Variants in MACROD1 observed in about 807,000 individuals in gnomAD.
MACROD1 encodes ADP-ribose glycohydrolase MACROD1.
MACROD1 carries 31 observed loss-of-function variants against 41.4 expected under a neutral mutation model. The observed-to-expected ratio is 0.75, with a 90% CI of 0.56 to 1.01. The LOEUF (loss-of-function observed/expected upper bound fraction) is 1.01, where lower values mean the gene tolerates loss of function less well. MACROD1 is among the 50% of genes least tolerant of loss of function. MACROD1 has a pLI of 0.00. For missense variants in MACROD1, 473 were observed against 460.0 expected (o/e 1.03, Z -0.26); for synonymous variants, 252 against 203.4 (o/e 1.24, Z -2.03).
chr11:64,134,403 G>A (rs924673280), intron 3 of MACROD1, among the ~76,000 whole-genome samples: 24 of 152,348 alleles, frequency 1.6e-4, no homozygotes, highest in African/African-American at 4.8e-4. Flanking sequence ...CCAAGGAAGC[G>A]TGAGGACCCC....
At chr11:64,042,946 A>C (rs1324642296) in intron 3 of MACROD1, among the ~76,000 whole-genome samples, 1 of 152,210 alleles carries the variant, frequency 6.6e-6, no homozygotes, top group Non-Finnish European at 1.5e-5. Flanking sequence ...TGAGGCACAG[A>C]GTGGAGACAC....
chr11:64,047,145 G>A (rs1258231081), intron 3 of MACROD1, among the ~76,000 whole-genome samples: 2 of 152,032 alleles, frequency 1.3e-5, no homozygotes, highest in South Asian at 2.1e-4. Flanking sequence ...CATGAAAGGC[G>A]GTGCAGGTGG....
At chr11:64,135,652 G>A (rs536734297) in intron 3 of MACROD1, among the ~76,000 whole-genome samples, 18 of 152,304 alleles carry the variant, frequency 1.2e-4, no homozygotes, top group East Asian at 3.9e-4. Flanking sequence ...CCAGAGTAAC[G>A]GCTGCCAGGA....
intron 3 of MACROD1, among the ~76,000 whole-genome samples, chr11:64,076,455 T>TGGATGGAC (rs573119754): frequency 1.2e-3 from 186 of 152,148 alleles, no homozygotes; most frequent in African/African-American, 4.2e-3. Context: ...GATGGACGGA[T>TGGATGGAC]GGATGGACGG....
chr11:64,095,313 A>G (rs1944557435), intron 3 of MACROD1, among the ~76,000 whole-genome samples: 1 of 152,206 alleles, frequency 6.6e-6, no homozygotes, highest in Admixed American at 6.5e-5. Context: ...TAACAACAAG[A>G]AAAGGAAGCT....
intron 3 of MACROD1, among the ~76,000 whole-genome samples, chr11:64,043,034 G>T (rs953159228): frequency 2.6e-5 from 4 of 152,208 alleles, no homozygotes; most frequent in African/African-American, 9.7e-5. Flanking sequence ...TGGAGTCGAT[G>T]AACTTGGGCT....
rs71045724 is a variant in MACROD1, at chr11:64,041,199, TAAAAAAAAAA to T, written c.518-25928_518-25919del. Among the ~76,000 whole-genome samples the T allele has an allele frequency of 5.1e-4, 11 of 21,606 alleles. No individual in the cohort carries two copies. The South Asian group carries it at 0.031, about 61-fold the overall frequency. The allele number at this position is 21,606 out of a possible 152,430, so 14.2% of individuals were successfully genotyped here. A position where few individuals can be genotyped will look rare whatever the true frequency, so the allele number is the denominator to read the frequency against. On this transcript the variant is annotated intron_variant, in intron 3 of 10. Transcript: ENST00000255681. ...AGATTACAACAGATTTAGCAAACTG[TAAAAAAAAAA>T]AAAAAAAAAAAAAAAAAAAAGCATG...
At chr11:64,139,738 C>T (rs1196409719) in intron 3 of MACROD1, among the ~76,000 whole-genome samples, 3 of 151,670 alleles carry the variant, frequency 2.0e-5, no homozygotes, top group East Asian at 1.9e-4. Flanking sequence ...GGGCGGATCA[C>T]GAGGTCAGGA....
At chr11:64,026,652 A>G (rs1943227592) in intron 3 of MACROD1, among the ~76,000 whole-genome samples, 1 of 152,196 alleles carries the variant, frequency 6.6e-6, no homozygotes, top group African/African-American at 2.4e-5. Context: ...GCTTCCGATT[A>G]TACTTAGAAT....
chr11:64,156,547 C>G (rs1468739107), intron 1 of MACROD1, among the ~76,000 whole-genome samples: 4 of 152,216 alleles, frequency 2.6e-5, no homozygotes, highest in Non-Finnish European at 5.9e-5. Context: ...GGTGCCCTAG[C>G]AGATATCATC....
intron 3 of MACROD1, among the ~76,000 whole-genome samples, chr11:64,038,751 T>C (rs751438045): frequency 6.6e-6 from 1 of 152,168 alleles, no homozygotes; most frequent in Non-Finnish European, 1.5e-5. Flanking sequence ...CTGGAAATGA[T>C]ATCAACCACC....
intron 3 of MACROD1, among the ~76,000 whole-genome samples, chr11:64,143,213 AG>A (rs1274560722): frequency 4.6e-5 from 7 of 152,040 alleles, no homozygotes; most frequent in African/African-American, 1.7e-4. Flanking sequence ...AAGGAAAGAA[AG>A]GAAAAAGAAA....
intron 3 of MACROD1, among the ~76,000 whole-genome samples, chr11:64,061,868 G>A (rs906374034): frequency 7.1e-6 from 1 of 140,760 alleles, no homozygotes; most frequent in African/African-American, 2.7e-5. Flanking sequence ...GTGCCACCAC[G>A]CTGGCTTTTT....
At chr11:64,116,508 G>A in intron 3 of MACROD1, 1 of 1,613,934 alleles carries the variant, frequency 6.2e-7, no homozygotes, top group Non-Finnish European at 8.5e-7. Flanking sequence ...AGATATCCCT[G>A]ATGATGCCAC....
chr11:64,136,983 T>G (rs920329976), intron 3 of MACROD1, among the ~76,000 whole-genome samples: 4 of 152,232 alleles, frequency 2.6e-5, no homozygotes, highest in African/African-American at 9.6e-5. Flanking sequence ...CTCTCTCTGG[T>G]GCTGAATTCA....
intron 3 of MACROD1, among the ~76,000 whole-genome samples, chr11:64,076,277 C>T (rs1170059772): frequency 1.3e-5 from 2 of 152,338 alleles, no homozygotes; most frequent in African/African-American, 4.8e-5. Flanking sequence ...CATGACCCTC[C>T]ACTGCATGGG....
Position 64,010,600 on chromosome 11 carries a change from C to T in MACROD1, c.547+4652G>A, listed in dbSNP as rs1457429807. ...GCATGTTGATTGGGGTGTTGGCTGC[C>T]ATGTTGCTTGAGGTGTTGGCTGGGG... On this transcript the variant is annotated intron_variant, in intron 4 of 10. Transcript: ENST00000255681. Among the ~76,000 whole-genome samples the T allele has an allele frequency of 6.0e-5, 7 of 116,920 alleles. No individual in the cohort carries two copies. In the Admixed American group the frequency reaches 6.3e-4, roughly 11 times the overall value. The allele number at this position is 116,920 out of a possible 152,430, so 76.7% of individuals were successfully genotyped here. A position where few individuals can be genotyped will look rare whatever the true frequency, so the allele number is the denominator to read the frequency against.
At chr11:64,105,368 C>T (rs1283851958) in intron 3 of MACROD1, among the ~76,000 whole-genome samples, 6 of 152,210 alleles carry the variant, frequency 3.9e-5, no homozygotes, top group Non-Finnish European at 7.3e-5. Flanking sequence ...TGCTCAGTGG[C>T]TCTGTGCAAA....
chr11:64,078,965 G>A (rs1270139687), intron 3 of MACROD1, among the ~76,000 whole-genome samples: 1 of 152,158 alleles, frequency 6.6e-6, no homozygotes, highest in Non-Finnish European at 1.5e-5. Context: ...GGAGACAGAG[G>A]TCTGTAGACT....
Sources: gnomAD v4.1 joint callset for allele counts (sites outside exome capture counted in the v4.1 genomes callset) on GRCh38, gnomAD v4.1.1 for gene constraint, MANE v1.5 for transcripts, NCBI Gene and HGNC (gene_info 2026-07-23, HGNC 2026-07-21) for gene names.